ADAMTSL1: variants seen among roughly 807,000 people sequenced by gnomAD.
ADAMTSL1 encodes ADAMTS-like protein 1.
In ADAMTSL1, 126 loss-of-function variants were observed where a neutral mutation model predicts 201.8. That is an observed-to-expected ratio of 0.62 (90% CI 0.54 to 0.72). The LOEUF (loss-of-function observed/expected upper bound fraction) is 0.72. ADAMTSL1 is among the 30% of genes least tolerant of loss of function. The pLI, the probability that ADAMTSL1 is intolerant of heterozygous loss-of-function variation, is 0.00. For synonymous variants in ADAMTSL1, 1,121 were observed against 903.4 expected (o/e 1.24, Z -4.32); for missense variants, 2,679 against 2,277.8 (o/e 1.18, Z -3.59).
At chr9:18,394,328 A>G (rs1817660711) in intron 2 of ADAMTSL1, among the ~76,000 whole-genome samples, 1 of 152,230 alleles carries the variant, frequency 6.6e-6, no homozygotes, top group East Asian at 1.9e-4. Flanking sequence ...CCTAATTCCA[A>G]TAACAGAATC....
intron 2 of ADAMTSL1, among the ~76,000 whole-genome samples, chr9:18,168,433 T>C (rs1407201115): frequency 6.6e-6 from 1 of 152,048 alleles, no homozygotes; most frequent in African/African-American, 2.4e-5. Context: ...GCTTCATCCA[T>C]GTCCCTACAA....
At chr9:18,861,791 G>A (rs1827229648) in intron 23 of ADAMTSL1, among the ~76,000 whole-genome samples, 1 of 152,066 alleles carries the variant, frequency 6.6e-6, no homozygotes, top group Non-Finnish European at 1.5e-5. Flanking sequence ...CTTATCCCAG[G>A]AGCGAGCCAG....
intron 2 of ADAMTSL1, among the ~76,000 whole-genome samples, chr9:18,345,173 A>G (rs893952024): frequency 9.9e-5 from 15 of 152,144 alleles, no homozygotes; most frequent in South Asian, 2.1e-4. Flanking sequence ...AAGTCAGACA[A>G]CATATTGGCC....
intron 1 of ADAMTSL1, among the ~76,000 whole-genome samples, chr9:17,918,756 A>G (rs949436582): frequency 2.0e-5 from 3 of 151,876 alleles, no homozygotes; most frequent in East Asian, 1.9e-4. Flanking sequence ...TATTGTATCA[A>G]TTATTGAGAA....
At chr9:18,064,012 C>T (rs10756926) in intron 1 of ADAMTSL1, among the ~76,000 whole-genome samples, 84,111 of 151,916 alleles carry the variant, frequency 0.55, 23,495 homozygotes, top group African/African-American at 0.61. Flanking sequence ...TGGCACCATG[C>T]ATATTTTTAT....
chr9:18,710,494 T>A (rs1832499178), intron 14 of ADAMTSL1, among the ~76,000 whole-genome samples: 1 of 152,138 alleles, frequency 6.6e-6, no homozygotes, highest in Non-Finnish European at 1.5e-5. Flanking sequence ...TGCTTCTTAG[T>A]CTCAGCACTT....
At chr9:18,499,159 A>T (rs1397500951) in intron 1 of ADAMTSL1, among the ~76,000 whole-genome samples, 1 of 152,256 alleles carries the variant, frequency 6.6e-6, no homozygotes, top group Non-Finnish European at 1.5e-5. Context: ...CTGGCAGTTC[A>T]TCATATCTCC....
At chr9:18,307,901 A>C (rs73428971) in intron 2 of ADAMTSL1, among the ~76,000 whole-genome samples, 10,338 of 152,192 alleles carry the variant, frequency 0.068, 1,135 homozygotes, top group African/African-American at 0.23. Flanking sequence ...CATTCTTTTC[A>C]GCACCACATA....
intron 2 of ADAMTSL1, among the ~76,000 whole-genome samples, chr9:18,287,708 A>C (rs1194463163): frequency 6.8e-6 from 1 of 146,654 alleles, no homozygotes; most frequent in Non-Finnish European, 1.5e-5. Context: ...ATGTACATAT[A>C]TTTACATATA....
At chr9:18,319,459 C>T (rs1834536601) in intron 2 of ADAMTSL1, among the ~76,000 whole-genome samples, 1 of 152,132 alleles carries the variant, frequency 6.6e-6, no homozygotes, top group Non-Finnish European at 1.5e-5. Flanking sequence ...AATAATATTT[C>T]TCCAGCTTCA....
intron 2 of ADAMTSL1, among the ~76,000 whole-genome samples, chr9:18,452,765 C>T (rs534751917): frequency 2.3e-4 from 35 of 152,236 alleles, no homozygotes; most frequent in Admixed American, 3.9e-4. Context: ...ATCTTTGATT[C>T]CATGTCTCAC....
chr9:18,012,723 C>T (rs1223127572), intron 1 of ADAMTSL1, among the ~76,000 whole-genome samples: 1 of 151,944 alleles, frequency 6.6e-6, no homozygotes, highest in East Asian at 1.9e-4. Flanking sequence ...GGGGAGTCCC[C>T]TAGAATACTT....
At chr9:18,094,285 GGT>G (rs1480121168) in intron 1 of ADAMTSL1, among the ~76,000 whole-genome samples, 1 of 152,152 alleles carries the variant, frequency 6.6e-6, no homozygotes, top group African/African-American at 2.4e-5. Context: ...TTCTGTGGCT[GGT>G]CAGCAACAGC....
At chr9:18,794,419 AAAAC>A (rs1338732246) in intron 19 of ADAMTSL1, among the ~76,000 whole-genome samples, 2 of 151,522 alleles carry the variant, frequency 1.3e-5, no homozygotes, top group African/African-American at 4.8e-5. Context: ...AAAAAAAACA[AAAAC>A]AAAAACAAAA....
intron 3 of ADAMTSL1, among the ~76,000 whole-genome samples, chr9:18,567,167 T>G (rs902796647): frequency 1.3e-5 from 2 of 152,146 alleles, no homozygotes; most frequent in African/African-American, 2.4e-5. Flanking sequence ...AACCACTGCT[T>G]TAAAGTTTTT....
In ADAMTSL1 at chr9:18,306,602, G is replaced by T. The variant is rs145776427; in HGVS notation, c.207+142621G>T. ...AGAAGAAAGGATATCAGAGATTGAAGATCAACTTGATGAAATAGACCATGA... is the reference window on the plus strand; with the variant it reads ...AGAAGAAAGGATATCAGAGATTGAATATCAACTTGATGAAATAGACCATGA... On this transcript the variant is annotated intron_variant, in intron 2 of 29. Transcript: ENST00000680146. Among the ~76,000 whole-genome samples, 3 of 152,176 alleles carry T rather than the reference G, an allele frequency of 2.0e-5. No individual in the cohort carries two copies. The East Asian group carries it at 5.8e-4, about 29-fold the overall frequency.
intron 17 of ADAMTSL1, 79 bp downstream of exon 17, chr9:18,770,860 C>T: frequency 7.1e-7 from 1 of 1,404,306 alleles, no homozygotes; most frequent in Non-Finnish European, 9.7e-7. Context: ...ATAGAAAAGG[C>T]AAGAAGAGAA....
At chr9:18,074,561 C>CTTTTTTTTTTTTTTT (rs138619215) in intron 1 of ADAMTSL1, among the ~76,000 whole-genome samples, 1 of 131,340 alleles carries the variant, frequency 7.6e-6, no homozygotes, top group African/African-American at 2.8e-5. Flanking sequence ...CTTCTCTTTT[C>CTTTTTTTTTTTTTTT]TTTTTTTTTT....
chr9:18,851,822 C>T (rs544108148), intron 23 of ADAMTSL1, among the ~76,000 whole-genome samples: 68 of 152,274 alleles, frequency 4.5e-4, no homozygotes, highest in African/African-American at 1.6e-3. Context: ...AGAGGAAGAT[C>T]GTGTACCAGT....
Sources: allele counts gnomAD v4.1 joint callset (sites outside exome capture counted in the v4.1 genomes callset), GRCh38; gene constraint gnomAD v4.1.1; transcripts MANE v1.5; gene names NCBI Gene and HGNC (gene_info 2026-07-23, HGNC 2026-07-21).